The following RAB27A variants were observed in gnomAD, a reference collection of about 807,000 sequenced individuals.
RAB27A encodes the protein ras-related protein Rab-27A.
In RAB27A, 17 loss-of-function variants were observed where a neutral mutation model predicts 20.8. The ratio of observed to expected loss-of-function variants is 0.82; its 90% CI spans 0.56 to 1.23. The LOEUF is 1.23. RAB27A is among the 50% of genes most tolerant of loss of function. The probability of loss-of-function intolerance (pLI) is 0.00; values close to 1 mark genes in which losing one functional copy is unlikely to be tolerated. For synonymous variants in RAB27A, 85 were observed against 92.8 expected, an observed-to-expected ratio of 0.92 and a Z score of 0.48; for missense variants, 277 against 266.7, an observed-to-expected ratio of 1.04 and a Z score of -0.27.
intron 2 of RAB27A, among the ~76,000 whole-genome samples, chr15:55,243,275 G>C (rs1349634908): frequency 2.6e-5 from 4 of 152,134 alleles, no homozygotes; most frequent in African/African-American, 9.7e-5. Flanking sequence ...AAAATGAAAA[G>C]CAAGCAGAGC....
At chr15:55,224,036 A>T (rs1463587032) in intron 5 of RAB27A, 24 bp from the exon 6 acceptor site, 5 of 1,501,110 alleles carry the variant, frequency 3.3e-6, no homozygotes, top group African/African-American at 1.4e-5. Flanking sequence ...AAAGTTTATT[A>T]TATATGTAAA....
chr15:55,231,582 C>G (rs74015521), intron 3 of RAB27A, among the ~76,000 whole-genome samples: 1 of 151,970 alleles, frequency 6.6e-6, no homozygotes, highest in Non-Finnish European at 1.5e-5. Flanking sequence ...TATTCCCATC[C>G]CCCTCACTCA....
At chr15:55,316,234 CAAAAAAAAAA>C (rs1186678422) in intron 1 of RAB27A, among the ~76,000 whole-genome samples, 9 of 53,932 alleles carry the variant, frequency 1.7e-4, no homozygotes, top group Middle Eastern at 8.1e-3. Context: ...GACTCCGTCT[CAAAAAAAAAA>C]AAAAAAAAAG....
intron 1 of RAB27A, among the ~76,000 whole-genome samples, chr15:55,316,619 CTT>C (rs747645158): frequency 9.8e-4 from 149 of 151,726 alleles, no homozygotes; most frequent in Non-Finnish European, 1.6e-3. Context: ...AAAATACAAA[CTT>C]AACGCTAGAG....
intron 1 of RAB27A, among the ~76,000 whole-genome samples, chr15:55,273,579 CA>C (rs1261945515): frequency 6.6e-6 from 1 of 151,680 alleles, no homozygotes; most frequent in East Asian, 1.9e-4. Context: ...AAATGGAAAC[CA>C]AAAGAAAGCA....
chr15:55,235,057 A>C, intron 2 of RAB27A, 101 bp from the exon 3 acceptor site: 2 of 935,912 alleles, frequency 2.1e-6, no homozygotes, highest in South Asian at 1.4e-5. Context: ...CCTAATGTTA[A>C]CCTGTATGTC....
intron 2 of RAB27A, among the ~76,000 whole-genome samples, chr15:55,260,431 T>G (rs965383230): frequency 1.7e-4 from 26 of 152,338 alleles, no homozygotes; most frequent in African/African-American, 6.0e-4. Flanking sequence ...ATCACATTCT[T>G]TGGTATTTAC....
At chr15:55,241,624 A>ATATGTGTGTG (rs377301086) in intron 2 of RAB27A, among the ~76,000 whole-genome samples, 3 of 117,648 alleles carry the variant, frequency 2.5e-5, no homozygotes, top group African/African-American at 1.3e-4. Context: ...ATATATATAT[A>ATATGTGTGTG]TGTGTGTATA....
At chr15:55,224,734 T>C (rs1484659558) in intron 5 of RAB27A, among the ~76,000 whole-genome samples, 1 of 152,200 alleles carries the variant, frequency 6.6e-6, no homozygotes, top group African/African-American at 2.4e-5. Context: ...TCTTTCAAAG[T>C]AGGAAAATAA....
In RAB27A at chr15:55,209,811, C is replaced by CATATATGTGTATATAT. The variant is rs1311547140; in HGVS notation, c.468-4107_468-4106insATATATACACATATAT. 3.0e-3 allele frequency among the ~76,000 whole-genome samples: 403 copies of CATATATGTGTATATAT among 134,944 alleles called. 57 individuals are homozygous for CATATATGTGTATATAT. Among genetic ancestry groups the CATATATGTGTATATAT allele is most frequent in the Non-Finnish European group, 4.1e-3 (270 of 65,384 alleles). The allele number at this position is 134,944 out of a possible 152,430, so 88.5% of individuals were successfully genotyped here. ...ATGTGTGTATGTATACATATATACA[C>CATATATGTGTATATAT]ACATGTGTGTATATATACATATATG... On this transcript the variant is annotated intron_variant, in intron 6 of 6. Transcript: ENST00000336787.
chr15:55,318,532 G>A (rs2055083533), intron 1 of RAB27A, among the ~76,000 whole-genome samples: 1 of 150,754 alleles, frequency 6.6e-6, no homozygotes, highest in Non-Finnish European at 1.5e-5. Flanking sequence ...GTGAAACCCC[G>A]TCTCTACAAA....
intron 5 of RAB27A, among the ~76,000 whole-genome samples, chr15:55,226,532 T>TGA (rs1895804316): frequency 6.7e-6 from 1 of 150,126 alleles, no homozygotes. Flanking sequence ...TGTGTGTGTG[T>TGA]GTGAGTGTGT....
chr15:55,303,274 C>T (rs1258526365), intron 2 of RAB27A, among the ~76,000 whole-genome samples: 4 of 113,144 alleles, frequency 3.5e-5, no homozygotes, highest in Admixed American at 2.4e-4. Flanking sequence ...GGTCAGCCCC[C>T]CGCCTGGCCA....
intron 6 of RAB27A, among the ~76,000 whole-genome samples, chr15:55,208,183 G>A (rs1277583300): frequency 6.6e-6 from 1 of 152,110 alleles, no homozygotes; most frequent in African/African-American, 2.4e-5. Context: ...TGCTTAAACT[G>A]TATCAACATG....
At chr15:55,316,811 T>G (rs1335189167) in intron 1 of RAB27A, among the ~76,000 whole-genome samples, 1 of 152,128 alleles carries the variant, frequency 6.6e-6, no homozygotes, top group Non-Finnish European at 1.5e-5. Flanking sequence ...CTCTAAAACC[T>G]CAATTTGATC....
chr15:55,207,295 T>C (rs550822157), intron 6 of RAB27A, among the ~76,000 whole-genome samples: 1 of 152,122 alleles, frequency 6.6e-6, no homozygotes, highest in Non-Finnish European at 1.5e-5. Context: ...CTCCTGGGTA[T>C]ACATCTAAAG....
At chr15:55,230,892 G>T (rs890586555) in intron 3 of RAB27A, among the ~76,000 whole-genome samples, 3 of 152,028 alleles carry the variant, frequency 2.0e-5, no homozygotes, top group Non-Finnish European at 4.4e-5. Context: ...TAATGCTGGG[G>T]TTTGAGCATC....
intron 2 of RAB27A, chr15:55,237,559 T>C (rs563105120): frequency 6.6e-6 from 1 of 152,292 alleles, no homozygotes; most frequent in East Asian, 1.9e-4. Context: ...ATTAATGACA[T>C]ATAACAGAAT....
At chr15:55,264,847 G>A (rs1897404824) in intron 2 of RAB27A, among the ~76,000 whole-genome samples, 1 of 152,172 alleles carries the variant, frequency 6.6e-6, no homozygotes, top group Admixed American at 6.5e-5. Context: ...AACAAGAATT[G>A]TGGATGTGCC....
Sources: gnomAD v4.1 joint callset for allele counts (sites outside exome capture counted in the v4.1 genomes callset) on GRCh38, gnomAD v4.1.1 for gene constraint, MANE v1.5 for transcripts, NCBI Gene and HGNC (gene_info 2026-07-23, HGNC 2026-07-21) for gene names.